HDAC9: variants seen among roughly 807,000 people sequenced by gnomAD.
The protein encoded by HDAC9 is histone deacetylase 9, also known as MEF-2 interacting transcription repressor (MITR) protein.
HDAC9 carries 41 observed loss-of-function variants against 139.4 expected under a neutral mutation model. That is an observed-to-expected ratio of 0.29 (90% CI 0.23 to 0.38). HDAC9 has a LOEUF of 0.38. HDAC9 is among the 10% of genes least tolerant of loss of function. HDAC9 has a pLI of 1.00. For missense variants in HDAC9, 1,147 were observed against 1,297.0 expected (o/e 0.88, Z 1.78); for synonymous variants, 517 against 476.2 (o/e 1.09, Z -1.12).
chr7:18,184,635 A>G (rs1789762112), intron 2 of HDAC9, among the ~76,000 whole-genome samples: 1 of 152,158 alleles, frequency 6.6e-6, no homozygotes, highest in African/African-American at 2.4e-5. Flanking sequence ...AATATTTTGG[A>G]TTTCAGATTT....
At chr7:18,466,275 C>T (rs1038068429) in intron 1 of HDAC9, among the ~76,000 whole-genome samples, 39 of 152,204 alleles carry the variant, frequency 2.6e-4, no homozygotes, top group African/African-American at 9.4e-4. Context: ...CAGCTCAGTG[C>T]AACCTCTGCC....
chr7:18,815,612 G>T (rs571090044), intron 17 of HDAC9, among the ~76,000 whole-genome samples: 1 of 152,334 alleles, frequency 6.6e-6, no homozygotes, highest in Non-Finnish European at 1.5e-5. Flanking sequence ...GCTGAAGGCT[G>T]TAGGCATGAT....
chr7:18,453,316 T>A (rs1318339257), intron 1 of HDAC9, among the ~76,000 whole-genome samples: 2 of 152,136 alleles, frequency 1.3e-5, no homozygotes, highest in Non-Finnish European at 2.9e-5. Flanking sequence ...TCAGCATTGA[T>A]TAAAAAAAGT....
intron 6 of HDAC9, among the ~76,000 whole-genome samples, chr7:18,622,237 C>T (rs1238302705): frequency 6.6e-6 from 1 of 152,140 alleles, no homozygotes; most frequent in African/African-American, 2.4e-5. Context: ...GAAGACTTGA[C>T]CTTCACCTAT....
intron 1 of HDAC9, among the ~76,000 whole-genome samples, chr7:18,316,473 G>A (rs950336426): frequency 6.6e-6 from 1 of 151,842 alleles, no homozygotes; most frequent in Non-Finnish European, 1.5e-5. Flanking sequence ...AATAAATTTG[G>A]AGTCCTCTTT....
At chr7:18,863,102 T>G (rs181626092) in intron 21 of HDAC9, among the ~76,000 whole-genome samples, 40 of 152,328 alleles carry the variant, frequency 2.6e-4, no homozygotes, top group African/African-American at 9.1e-4. Context: ...TGTTTGCATT[T>G]AAAGCAAAGG....
rs1585468871 is a variant in HDAC9, at chr7:18,376,853, A to C, written c.-42+86338A>C. Among the ~76,000 whole-genome samples the C allele has an allele frequency of 2.0e-5, 3 of 152,142 alleles. No individual in the cohort carries two copies. The South Asian group carries it at 6.2e-4, about 32-fold the overall frequency. On this transcript the variant is annotated intron_variant, in intron 1 of 3. Coordinates refer to the HDAC9 transcript ENST00000413509. ...CTGCTGTAATAGACTGCTGGGTGCT[A>C]TACCATCCAGTTTATGGTATTTTAT...
chr7:18,934,173 A>G (rs1781460144), intron 22 of HDAC9, among the ~76,000 whole-genome samples: 1 of 152,160 alleles, frequency 6.6e-6, no homozygotes, highest in South Asian at 2.1e-4. Flanking sequence ...AAGCAGGTGT[A>G]GTGATATAAT....
chr7:18,624,288 A>G (rs984260969), intron 6 of HDAC9, among the ~76,000 whole-genome samples: 4 of 152,172 alleles, frequency 2.6e-5, no homozygotes, highest in Non-Finnish European at 4.4e-5. Context: ...TTCATGAGGC[A>G]TTCTTCAGAT....
intron 12 of HDAC9, chr7:18,667,976 A>G (rs1009818297): frequency 2.1e-6 from 2 of 969,700 alleles, no homozygotes; most frequent in South Asian, 4.8e-5. Context: ...TAAAATATTT[A>G]TATTTCTAAA....
At chr7:18,759,065 T>A (rs1032449316) in intron 14 of HDAC9, among the ~76,000 whole-genome samples, 1 of 152,168 alleles carries the variant, frequency 6.6e-6, no homozygotes, top group Non-Finnish European at 1.5e-5. Context: ...TGGTACATTT[T>A]AATGGCAAGG....
intron 2 of HDAC9, among the ~76,000 whole-genome samples, chr7:18,178,801 G>A (rs1235126759): frequency 6.6e-6 from 1 of 152,098 alleles, no homozygotes; most frequent in African/African-American, 2.4e-5. Flanking sequence ...CGTTTCTGAG[G>A]ACCTTCAGTA....
intron 23 of HDAC9, among the ~76,000 whole-genome samples, chr7:18,948,275 T>C (rs1192706616): frequency 6.6e-6 from 1 of 152,032 alleles, no homozygotes; most frequent in African/African-American, 2.4e-5. Flanking sequence ...AATAAATCTT[T>C]CACTATTTAC....
At chr7:18,285,520 T>C (rs181709721), upstream of HDAC9, among the ~76,000 whole-genome samples, 26 of 152,160 alleles carry the variant, frequency 1.7e-4, no homozygotes, top group African/African-American at 6.3e-4. Flanking sequence ...GTGTGAACGT[T>C]TTAAAAGATT....
chr7:18,953,075 G>C (rs1480832753), intron 23 of HDAC9, among the ~76,000 whole-genome samples: 1 of 151,994 alleles, frequency 6.6e-6, no homozygotes, highest in East Asian at 1.9e-4. Context: ...ATATGTGGTG[G>C]AAACTGGTAA....
intron 1 of HDAC9, among the ~76,000 whole-genome samples, chr7:18,397,920 T>A (rs1303769501): frequency 2.0e-5 from 3 of 152,148 alleles, no homozygotes; most frequent in Non-Finnish European, 4.4e-5. Context: ...AAACCAGGTA[T>A]TGTCTGTGTA....
intron 1 of HDAC9, among the ~76,000 whole-genome samples, chr7:18,117,014 G>A (rs1784037167): frequency 6.6e-6 from 1 of 152,170 alleles, no homozygotes; most frequent in Middle Eastern, 3.2e-3. Context: ...ACATTTCAAT[G>A]AACTTCACAT....
At chr7:18,608,883 T>A (rs1301758878) in intron 6 of HDAC9, among the ~76,000 whole-genome samples, 1 of 152,204 alleles carries the variant, frequency 6.6e-6, no homozygotes, top group Non-Finnish European at 1.5e-5. Flanking sequence ...AGTTGAACAG[T>A]TGAACCACCG....
chr7:18,768,816 G>T (rs528016201), intron 16 of HDAC9, among the ~76,000 whole-genome samples: 8 of 152,216 alleles, frequency 5.3e-5, no homozygotes, highest in African/African-American at 1.9e-4. Context: ...TTTTATGATG[G>T]TGCAAAAGTG....
Sources: allele counts gnomAD v4.1 joint callset (sites outside exome capture counted in the v4.1 genomes callset), GRCh38; gene constraint gnomAD v4.1.1; transcripts MANE v1.5; gene names NCBI Gene and HGNC (gene_info 2026-07-23, HGNC 2026-07-21).